SPOP: variants seen among roughly 807,000 people sequenced by gnomAD.
The protein encoded by SPOP is speckle type BTB/POZ protein, also known as speckle-type POZ protein.
Under a neutral mutation model 45.6 loss-of-function variants are expected in SPOP, and 11 were observed. The ratio of observed to expected loss-of-function variants is 0.24; its 90% CI spans 0.15 to 0.40. SPOP has a LOEUF of 0.40. Ranked by LOEUF, SPOP falls within the 10% of genes least tolerant of loss-of-function variation. The pLI, the probability that SPOP is intolerant of heterozygous loss-of-function variation, is 1.00. For missense variants in SPOP, 152 were observed against 465.6 expected (o/e 0.33, Z 6.20); for synonymous variants, 166 against 166.3 (o/e 1.00, Z 0.01).
At chr17:49,640,388 G>A (rs1317830953) in intron 1 of SPOP, among the ~76,000 whole-genome samples, 3 of 151,940 alleles carry the variant, frequency 2.0e-5, no homozygotes, top group African/African-American at 4.8e-5. Context: ...GACAATTTAG[G>A]ATGAGAAGTC....
At position 49,611,287 on chromosome 17, in the gene SPOP, G is replaced by C; in HGVS notation, c.651C>G (p.Ile217Met). 6.2e-7 allele frequency: 1 copy of C among 1,613,902 alleles called. No homozygotes were observed. The highest frequency in any genetic ancestry group is 8.5e-7 in the Non-Finnish European group (1 of 1,179,946). ...TCATGAATAAATACCAACCTGCTAAGATAGCCTTGTGAGCCTGGAATTCCT... is the reference window on the plus strand; with the variant it reads ...TCATGAATAAATACCAACCTGCTAACATAGCCTTGTGAGCCTGGAATTCCT... ...AGQEFQAHKA[I>M]LAARSPVFSA... Residue 217 changes from isoleucine (I) to methionine (M), a missense_variant, in exon 6 of 10, where the codon ATC becomes ATG. Around this residue, in one of 3 missense-constraint regions of SPOP, gnomAD observed 106 missense variants for 255.2 expected, o/e 0.42. Transcript: ENST00000504102.
chr17:49,649,401 GCGGCGCATGC>G (rs746395723), intron 1 of SPOP, among the ~76,000 whole-genome samples: 31 of 152,184 alleles, frequency 2.0e-4, no homozygotes, highest in Non-Finnish European at 4.1e-4. Context: ...GCTGGGCGTG[GCGGCGCATGC>G]CTGTAATCCC....
At chr17:49,642,168 G>A (rs766979740) in intron 1 of SPOP, among the ~76,000 whole-genome samples, 7 of 152,060 alleles carry the variant, frequency 4.6e-5, no homozygotes, top group South Asian at 2.1e-4. Context: ...GATAAAGATT[G>A]AGTACTTACT....
intron 1 of SPOP, among the ~76,000 whole-genome samples, chr17:49,625,592 G>A (rs2072312658): frequency 6.6e-6 from 1 of 152,118 alleles, no homozygotes; most frequent in Admixed American, 6.5e-5. Context: ...TGGGCAACAA[G>A]AGCGAAGCTC....
chr17:49,649,745 C>G (rs190982346), intron 1 of SPOP, among the ~76,000 whole-genome samples: 64 of 149,520 alleles, frequency 4.3e-4, no homozygotes, highest in African/African-American at 1.5e-3. Context: ...AGGAGAATAG[C>G]GTGAACCCGG....
At chr17:49,625,316 T>A (rs2143323212) in intron 1 of SPOP, among the ~76,000 whole-genome samples, 2 of 152,340 alleles carry the variant, frequency 1.3e-5, no homozygotes, top group Admixed American at 1.3e-4. Flanking sequence ...GAATTTAAAA[T>A]TAATGAACTA....
intron 6 of SPOP, among the ~76,000 whole-genome samples, chr17:49,609,193 G>A (rs1419969788): frequency 2.0e-5 from 3 of 152,112 alleles, no homozygotes; most frequent in Admixed American, 2.0e-4. Flanking sequence ...ATAGGCATGA[G>A]CCACTGCACC....
In SPOP at chr17:49,619,033, A is replaced by G. The variant is rs1369267775; in HGVS notation, c.428T>C (p.Leu143Ser). ...AGGGAGAAGCCCGTTGGCCTCATCCAAAAGAAAATCTCTACGGATGAATTT... is the reference window on the plus strand; with the variant it reads ...AGGGAGAAGCCCGTTGGCCTCATCCGAAAGAAAATCTCTACGGATGAATTT... ...FKKFIRRDFL[L>S]DEANGLLPDD... The change falls in exon 5 of 10, where the codon TTG (leucine) becomes TCG (serine). Residue 143 changes from leucine (L) to serine (S), a missense_variant. Physicochemically the swap from Leu to Ser is moderately radical, Grantham distance 145. This residue lies in a region of SPOP where 28 missense variants were observed against 176.8 expected (regional missense o/e 0.16). Transcript: ENST00000504102. The surrounding 1 kb of genome is among the most constrained non-coding windows in gnomAD (Gnocchi z 4.9). 6.2e-7 allele frequency: 1 copy of G among 1,614,176 alleles called. No individual in the cohort carries two copies. The highest frequency in any genetic ancestry group is 8.5e-7 in the Non-Finnish European group (1 of 1,180,026).
intron 1 of SPOP, among the ~76,000 whole-genome samples, chr17:49,629,141 C>T (rs1476142862): frequency 6.6e-6 from 1 of 152,054 alleles, no homozygotes; most frequent in East Asian, 1.9e-4. Context: ...ACTCAAGAGG[C>T]TGAGGCAGGA....
At chr17:49,658,569 G>A (rs984568350) in intron 1 of SPOP, among the ~76,000 whole-genome samples, 1 of 152,184 alleles carries the variant, frequency 6.6e-6, no homozygotes, top group African/African-American at 2.4e-5. Context: ...CTTCAAGCCA[G>A]CAAGTTTCTG....
intron 1 of SPOP, among the ~76,000 whole-genome samples, chr17:49,633,546 G>A (rs2072489985): frequency 6.6e-6 from 1 of 152,060 alleles, no homozygotes; most frequent in Admixed American, 6.6e-5. Context: ...AATCAAAAAA[G>A]CAGAAAATGT....
At chr17:49,661,735 C>T (rs973630591) in intron 1 of SPOP, among the ~76,000 whole-genome samples, 2 of 152,106 alleles carry the variant, frequency 1.3e-5, no homozygotes, top group African/African-American at 2.4e-5. Flanking sequence ...TATTTAAGGC[C>T]GGGTGCGGTG....
chr17:49,676,874 A>T (rs1567810292), intron 1 of SPOP, among the ~76,000 whole-genome samples: 1 of 152,212 alleles, frequency 6.6e-6, no homozygotes, highest in Non-Finnish European at 1.5e-5. Context: ...TCTTTTTGTT[A>T]TCTGCCAACG....
chr17:49,660,266 C>T (rs993022727), intron 1 of SPOP, among the ~76,000 whole-genome samples: 8 of 152,182 alleles, frequency 5.3e-5, no homozygotes, highest in African/African-American at 1.9e-4. Context: ...CACATACATA[C>T]CTCATGGTTT....
chr17:49,615,375 T>C (rs2072063412), intron 5 of SPOP, among the ~76,000 whole-genome samples: 1 of 152,234 alleles, frequency 6.6e-6, no homozygotes, highest in African/African-American at 2.4e-5. Context: ...TTGTTTTCAA[T>C]ATAAATAATT....
intron 1 of SPOP, among the ~76,000 whole-genome samples, chr17:49,662,828 G>A (rs966698938): frequency 3.9e-5 from 6 of 152,136 alleles, no homozygotes; most frequent in Non-Finnish European, 5.9e-5. Flanking sequence ...TAACGATCCG[G>A]TAAAATTCCA....
At chr17:49,670,210 T>C (rs1331849945) in intron 1 of SPOP, among the ~76,000 whole-genome samples, 1 of 152,230 alleles carries the variant, frequency 6.6e-6, no homozygotes, top group South Asian at 2.1e-4. Flanking sequence ...GCCCAAGCAT[T>C]TCCTCAAGAA....
intron 5 of SPOP, among the ~76,000 whole-genome samples, chr17:49,618,131 C>G (rs2072129089): frequency 6.6e-6 from 1 of 152,078 alleles, no homozygotes; most frequent in African/African-American, 2.4e-5. Flanking sequence ...TACCATCCCC[C>G]ATGATGATAC....
chr17:49,604,620 C>A (rs370890500), intron 8 of SPOP, among the ~76,000 whole-genome samples: 3 of 152,158 alleles, frequency 2.0e-5, no homozygotes, highest in Non-Finnish European at 4.4e-5. Context: ...TGGCAGATAA[C>A]CCTCTTTCTC....
Sources: gnomAD v4.1 joint callset for allele counts (sites outside exome capture counted in the v4.1 genomes callset) on GRCh38, gnomAD v4.1.1 for gene constraint, gnomAD v4.1.1 regional missense constraint, Gnocchi (gnomAD v3.1) non-coding constraint, MANE v1.5 for transcripts, NCBI Gene and HGNC (gene_info 2026-07-23, HGNC 2026-07-21) for gene names.